ASIC1: variants seen among roughly 807,000 people sequenced by gnomAD.
The protein encoded by ASIC1 is acid sensing ion channel subunit 1, also known as acid-sensing ion channel 1.
A neutral mutation model predicts 63.4 loss-of-function variants in ASIC1; 21 were observed. The ratio of observed to expected loss-of-function variants is 0.33; its 90% CI spans 0.23 to 0.48. ASIC1 has a LOEUF of 0.48. Ranked by LOEUF, ASIC1 falls within the 20% of genes least tolerant of loss-of-function variation. The pLI is 0.99. For missense variants in ASIC1, 478 were observed against 695.5 expected (o/e 0.69, Z 3.52); for synonymous variants, 258 against 278.2 (o/e 0.93, Z 0.72).
At chr12:50,071,727 C>A (rs1036843906) in intron 3 of ASIC1, among the ~76,000 whole-genome samples, 5 of 151,990 alleles carry the variant, frequency 3.3e-5, no homozygotes, top group African/African-American at 1.2e-4. Context: ...CTCACTGCAA[C>A]CTCCGCCTCC....
chr12:50,059,934 A>G lies in ASIC1; in HGVS notation c.538A>G (p.Ser180Gly), dbSNP rs915413349. Residue 180 changes from serine to glycine, a missense_variant, in exon 3 of 12, where the codon AGC (serine) becomes GGC (glycine). This residue lies in a region of ASIC1 where 290 missense variants were observed against 414.9 expected (regional missense o/e 0.70). Coordinates refer to ENST00000447966, the MANE Select transcript of ASIC1 (RefSeq NM_001095.4). The surrounding 1 kb of genome is among the most constrained non-coding windows in gnomAD (Gnocchi z 4.6). ...CTGCCACTTCCGGGGGGAGGTCTGCAGCGCTGAAGACTTCAAGGTGGTGAG... is the reference window on the plus strand; with the variant it reads ...CTGCCACTTCCGGGGGGAGGTCTGCGGCGCTGAAGACTTCAAGGTGGTGAG... The part of the protein sequence containing the change: ...LSCHFRGEVC[S>G]AEDFKVVFTR... 6.2e-7 allele frequency: 1 copy of G among 1,614,044 alleles called. No individual in the cohort carries two copies. The highest frequency in any genetic ancestry group is 8.5e-7 in the Non-Finnish European group (1 of 1,179,988).
rs1302993123 is a variant in ASIC1 at position 50,079,790 on chromosome 12, C to A, written c.1052-112C>A. The stretch of plus-strand genomic sequence containing the variant: ...TCCAGGCAGGGTGAAGGGCAGGTCA[C>A]GGAAAGAGAAAGGGGCCCAGAGTTT... On this transcript the variant is annotated intron_variant, in intron 7 of 11. Transcript: ENST00000447966. 2.3e-6 allele frequency: 3 copies of A among 1,325,052 alleles called. No homozygotes were observed. In the African/African-American group the frequency reaches 4.5e-5, roughly 20 times the overall value. 82.1% of individuals were successfully genotyped at this position (1,325,052 alleles called of 1,614,324 possible).
intron 3 of ASIC1, among the ~76,000 whole-genome samples, chr12:50,076,123 G>A (rs1950652491): frequency 6.6e-6 from 1 of 152,190 alleles, no homozygotes; most frequent in South Asian, 2.1e-4. Flanking sequence ...CTGATAATGG[G>A]ATAATGGAAT....
In ASIC1 at chr12:50,078,335, G is replaced by T; in HGVS notation, c.838-86G>T. ...AGAGGGAGAGGGGAGCAGAACTCCA[G>T]AGATCTGCATCTTGTCAGAGGAGTC... On this transcript the variant is annotated intron_variant, in intron 5 of 11. Coordinates refer to ENST00000447966, the MANE Select transcript of ASIC1 (RefSeq NM_001095.4). This position sits in a 1 kb window ranked among gnomAD's most constrained non-coding sequence, Gnocchi z 6.0. 1 of 1,564,988 alleles carries T rather than the reference G, an allele frequency of 6.4e-7. No individual in the cohort carries two copies. The highest frequency in any genetic ancestry group is 1.2e-5 in the South Asian group (1 of 83,694).
chr12:50,058,127 G>GC (rs1189033362), intron 1 of ASIC1, among the ~76,000 whole-genome samples: 3 of 151,378 alleles, frequency 2.0e-5, no homozygotes, highest in East Asian at 3.9e-4. Flanking sequence ...AGGGAACCGC[G>GC]CCCCCCCTCC....
At chr12:50,073,771 G>A in intron 3 of ASIC1, 5 of 1,536,162 alleles carry the variant, frequency 3.3e-6, no homozygotes, top group Non-Finnish European at 2.6e-6. Flanking sequence ...TTCACCCATG[G>A]ACTTGGTGGC....
intron 3 of ASIC1, chr12:50,076,884 G>A (rs1950660295): frequency 2.5e-5 from 12 of 488,644 alleles, no homozygotes; most frequent in South Asian, 1.7e-4. Flanking sequence ...AGAGGGGCGA[G>A]GGCTGGGGAA....
At chr12:50,080,833 A>G in intron 9 of ASIC1, 1 of 1,006,730 alleles carries the variant, frequency 9.9e-7, no homozygotes, top group Non-Finnish European at 1.5e-6. Context: ...AGTGGAGACT[A>G]TTTCATATGC....
intron 3 of ASIC1, among the ~76,000 whole-genome samples, chr12:50,075,122 C>T (rs1205703129): frequency 3.3e-5 from 5 of 152,062 alleles, no homozygotes; most frequent in Non-Finnish European, 5.9e-5. Context: ...TGCTCTCCTG[C>T]CCCACCAGCT....
At chr12:50,080,279 C>G in intron 8 of ASIC1, 1 of 773,036 alleles carries the variant, frequency 1.3e-6, no homozygotes, top group Non-Finnish European at 2.1e-6. Flanking sequence ...ATTGTTGTAA[C>G]CGGAGTCACT....
intron 3 of ASIC1, among the ~76,000 whole-genome samples, chr12:50,064,207 A>G (rs1005716418): frequency 6.6e-6 from 1 of 151,990 alleles, no homozygotes; most frequent in Admixed American, 6.5e-5. Flanking sequence ...GTTCATGGCT[A>G]CCACCTCCTG....
intron 9 of ASIC1, chr12:50,080,816 G>A: frequency 1.7e-6 from 2 of 1,200,506 alleles, no homozygotes; most frequent in South Asian, 1.3e-5. Context: ...GGAGGGGTAG[G>A]CATGGAAGTG....
Position 50,058,922 on chromosome 12 carries a change from C to G in ASIC1, c.156C>G (p.Gly52=), listed in dbSNP as rs530124219. The change falls in exon 2 of 12, where the codon GGC becomes GGG. Residue 52 remains glycine, a synonymous_variant. Transcript: ENST00000447966. ...KRALWALCFL[G]SLAVLLCVCT... ...CACTGTGGGCCCTGTGCTTCCTGGG[C>G]TCCCTGGCTGTGCTGCTGTGTGTGT... The G allele has an allele frequency of 6.2e-7, 1 of 1,614,168 alleles. No individual in the cohort carries two copies. The highest frequency in any genetic ancestry group is 1.3e-5 in the African/African-American group (1 of 75,052).
At chr12:50,070,218 G>C (rs993848578) in intron 3 of ASIC1, among the ~76,000 whole-genome samples, 4 of 152,186 alleles carry the variant, frequency 2.6e-5, no homozygotes, top group African/African-American at 9.7e-5. Context: ...CTCTCCAGGG[G>C]CCCTCTGTGT....
At position 50,081,533 on chromosome 12, in the gene ASIC1, C is replaced by G; in HGVS notation, c.1483-12C>G. ...AGGGATAACCCGTCCCTGTCCTGTC[C>G]CCTTCCCCCAGAACCCGTGCGAGAG... On this transcript the variant is annotated splice_polypyrimidine_tract_variant and intron_variant, in intron 11 of 11. Coordinates refer to ENST00000447966, the MANE Select transcript of ASIC1 (RefSeq NM_001095.4). The G allele has an allele frequency of 1.2e-6, 2 of 1,613,840 alleles. No individual in the cohort carries two copies. The highest frequency in any genetic ancestry group is 1.7e-6 in the Non-Finnish European group (2 of 1,179,806).
intron 3 of ASIC1, among the ~76,000 whole-genome samples, chr12:50,066,897 C>T (rs774182340): frequency 2.0e-5 from 3 of 152,174 alleles, no homozygotes; most frequent in African/African-American, 7.2e-5. Flanking sequence ...AAGTCTCAAC[C>T]TAGAATTTTC....
At chr12:50,058,077 G>C (rs1005759136) in intron 1 of ASIC1, among the ~76,000 whole-genome samples, 161 bp downstream of exon 1, 1 of 151,054 alleles carries the variant, frequency 6.6e-6, no homozygotes, top group Non-Finnish European at 1.5e-5. Flanking sequence ...AAGCTGGACT[G>C]GGGGGGGCTG....
At chr12:50,060,995 G>A (rs994482896) in intron 3 of ASIC1, among the ~76,000 whole-genome samples, 6 of 152,178 alleles carry the variant, frequency 3.9e-5, no homozygotes, top group African/African-American at 1.4e-4. Flanking sequence ...CACAGTTAGT[G>A]ACAGGTGACA....
At chr12:50,066,850 C>T (rs973057912) in intron 3 of ASIC1, among the ~76,000 whole-genome samples, 1 of 152,142 alleles carries the variant, frequency 6.6e-6, no homozygotes, top group Non-Finnish European at 1.5e-5. Context: ...TTCTGGGTAC[C>T]AAGCCCTAGA....
Sources: allele counts gnomAD v4.1 joint callset (sites outside exome capture counted in the v4.1 genomes callset), GRCh38; gene constraint gnomAD v4.1.1; regional missense constraint gnomAD v4.1.1; non-coding constraint Gnocchi (gnomAD v3.1); transcripts MANE v1.5; gene names NCBI Gene and HGNC (gene_info 2026-07-23, HGNC 2026-07-21).